PKIA: variants seen among roughly 807,000 people sequenced by gnomAD.
PKIA encodes PKI-alpha.
PKIA carries 4 observed loss-of-function variants against 7.6 expected under a neutral mutation model. The ratio of observed to expected loss-of-function variants is 0.52; its 90% CI spans 0.26 to 1.20. The LOEUF (loss-of-function observed/expected upper bound fraction) is 1.20, where lower values mean the gene tolerates loss of function less well. PKIA is among the 50% of genes most tolerant of loss of function. The pLI is 0.13. For missense variants in PKIA, 73 were observed against 86.2 expected, an observed-to-expected ratio of 0.85 and a Z score of 0.61; for synonymous variants, 21 against 30.7, an observed-to-expected ratio of 0.68 and a Z score of 1.04.
intron 1 of PKIA, among the ~76,000 whole-genome samples, chr8:78,555,047 A>AT (rs2118488295): frequency 6.6e-6 from 1 of 152,140 alleles, no homozygotes; most frequent in Admixed American, 6.6e-5. Flanking sequence ...TGTGTGAATC[A>AT]TATTATACAT....
chr8:78,552,708 A>C lies in PKIA; in HGVS notation c.-156-20103A>C, dbSNP rs575385482. On this transcript the variant is annotated intron_variant, in intron 1 of 3. Transcript: ENST00000396418. ...TGAAAAGACAATGTGTCATGGGAAG[A>C]ATGAGTATTTTAACCTAAGACTTGT... 2.0e-5 allele frequency among the ~76,000 whole-genome samples: 3 copies of C among 152,140 alleles called. 1 individual carries two copies. The South Asian group carries it at 6.2e-4, about 32-fold the overall frequency.
intron 1 of PKIA, among the ~76,000 whole-genome samples, chr8:78,572,576 T>C (rs1304282987): frequency 2.1e-5 from 3 of 141,250 alleles, no homozygotes; most frequent in African/African-American, 8.0e-5. Context: ...CACACACAAT[T>C]AATTAACAAA....
At chr8:78,542,700 A>T (rs993133262) in intron 1 of PKIA, among the ~76,000 whole-genome samples, 2 of 152,092 alleles carry the variant, frequency 1.3e-5, no homozygotes, top group Non-Finnish European at 2.9e-5. Context: ...TTTGTTTTCC[A>T]GACAGAATGA....
At chr8:78,559,007 C>T (rs761530804) in intron 1 of PKIA, among the ~76,000 whole-genome samples, 3 of 152,148 alleles carry the variant, frequency 2.0e-5, no homozygotes, top group South Asian at 2.1e-4. Context: ...CTGCAACCTC[C>T]GCCTCCTGGG....
chr8:78,600,177 A>C (rs1808320213), intron 3 of PKIA, among the ~76,000 whole-genome samples: 1 of 152,022 alleles, frequency 6.6e-6, no homozygotes, highest in Admixed American at 6.6e-5. Context: ...ACAAAGCAAT[A>C]ACTTTGTTTA....
At chr8:78,583,540 C>T (rs1470787179) in intron 2 of PKIA, among the ~76,000 whole-genome samples, 4 of 152,072 alleles carry the variant, frequency 2.6e-5, no homozygotes, top group African/African-American at 9.7e-5. Flanking sequence ...TTGTAAGTCT[C>T]GAAATGCTGT....
chr8:78,548,695 G>A (rs904200043), intron 1 of PKIA, among the ~76,000 whole-genome samples: 4 of 151,976 alleles, frequency 2.6e-5, no homozygotes, highest in African/African-American at 9.7e-5. Context: ...TGTCAATAAA[G>A]GTCAAATATA....
intron 1 of PKIA, among the ~76,000 whole-genome samples, chr8:78,572,516 C>A (rs930747366): frequency 6.7e-6 from 1 of 148,502 alleles, no homozygotes; most frequent in Non-Finnish European, 1.5e-5. Context: ...CTTTCCCCAC[C>A]ACCCCATCAC....
chr8:78,600,926 T>C (rs981124272), intron 3 of PKIA, among the ~76,000 whole-genome samples: 1 of 152,098 alleles, frequency 6.6e-6, no homozygotes, highest in African/African-American at 2.4e-5. Flanking sequence ...GATTTGTTTA[T>C]ATTATTGCAA....
At chr8:78,569,137 G>A (rs1186867206) in intron 1 of PKIA, among the ~76,000 whole-genome samples, 1 of 152,160 alleles carries the variant, frequency 6.6e-6, no homozygotes, top group Non-Finnish European at 1.5e-5. Context: ...GGGTATAGGA[G>A]GCACTGTACT....
intron 2 of PKIA, among the ~76,000 whole-genome samples, chr8:78,594,033 C>T (rs981380100): frequency 7.2e-5 from 11 of 152,132 alleles, no homozygotes; most frequent in Admixed American, 2.0e-4. Flanking sequence ...AACAACTCTG[C>T]TAGAAATTGT....
At chr8:78,589,223 A>T (rs1459615818) in intron 2 of PKIA, among the ~76,000 whole-genome samples, 2 of 152,148 alleles carry the variant, frequency 1.3e-5, no homozygotes, top group African/African-American at 4.8e-5. Flanking sequence ...ATTAGGTAAG[A>T]TTTGCTATGG....
chr8:78,526,535 A>G (rs921866666), intron 1 of PKIA, among the ~76,000 whole-genome samples: 2 of 152,110 alleles, frequency 1.3e-5, no homozygotes, highest in African/African-American at 4.8e-5. Flanking sequence ...GGCTAACTCA[A>G]ATAGTTGTTG....
intron 2 of PKIA, among the ~76,000 whole-genome samples, chr8:78,588,562 G>A (rs1009288259): frequency 1.3e-5 from 2 of 152,182 alleles, no homozygotes; most frequent in African/African-American, 4.8e-5. Context: ...ATTGTGAAAA[G>A]ACTATTGCAA....
chr8:78,580,210 C>T (rs910884974), intron 2 of PKIA, among the ~76,000 whole-genome samples: 1 of 151,938 alleles, frequency 6.6e-6, no homozygotes, highest in Non-Finnish European at 1.5e-5. Context: ...ATGATGCATA[C>T]ATATGTCATA....
chr8:78,598,585 A>G, intron 3 of PKIA, 50 bp downstream of exon 3: 2 of 1,488,414 alleles, frequency 1.3e-6, no homozygotes, highest in Non-Finnish European at 1.9e-6. Flanking sequence ...GATTTGCGGC[A>G]TTTTACTAAG....
intron 1 of PKIA, among the ~76,000 whole-genome samples, chr8:78,567,255 T>C (rs1807436814): frequency 1.3e-5 from 2 of 152,128 alleles, no homozygotes; most frequent in Non-Finnish European, 1.5e-5. Context: ...AGTTCATACT[T>C]TGATCATGGT....
chr8:78,551,254 G>T (rs530797383), intron 1 of PKIA, among the ~76,000 whole-genome samples: 1 of 152,180 alleles, frequency 6.6e-6, no homozygotes, highest in South Asian at 2.1e-4. Context: ...GGTATGAACT[G>T]TTCTAGTAAA....
chr8:78,536,483 G>A (rs1479522906), intron 1 of PKIA, among the ~76,000 whole-genome samples: 1 of 152,060 alleles, frequency 6.6e-6, no homozygotes, highest in African/African-American at 2.4e-5. Flanking sequence ...GATGTAGGTA[G>A]ACAATCCAAT....
Sources: gnomAD v4.1 joint callset for allele counts (sites outside exome capture counted in the v4.1 genomes callset) on GRCh38, gnomAD v4.1.1 for gene constraint, MANE v1.5 for transcripts, NCBI Gene and HGNC (gene_info 2026-07-23, HGNC 2026-07-21) for gene names.